The following TBC1D5 variants were observed in gnomAD, a reference collection of about 807,000 sequenced individuals.
The protein encoded by TBC1D5 is TBC1 domain family member 5.
A neutral mutation model predicts 100.3 loss-of-function variants in TBC1D5; 75 were observed. That is an observed-to-expected ratio of 0.75 (90% CI 0.62 to 0.91). The LOEUF (loss-of-function observed/expected upper bound fraction) is 0.91. TBC1D5 is among the 40% of genes least tolerant of loss of function. The pLI, the probability that TBC1D5 is intolerant of heterozygous loss-of-function variation, is 0.00. For synonymous variants in TBC1D5, 323 were observed against 325.6 expected (o/e 0.99, Z 0.09); for missense variants, 910 against 942.4 (o/e 0.97, Z 0.45).
intron 2 of TBC1D5, among the ~76,000 whole-genome samples, chr3:17,593,803 G>A (rs1490549324): frequency 6.6e-6 from 1 of 152,204 alleles, no homozygotes; most frequent in Non-Finnish European, 1.5e-5. Context: ...ATGGCCTTTT[G>A]AAGTCACAAT....
chr3:17,193,716 G>A lies in TBC1D5; in HGVS notation c.1753-8508C>T, dbSNP rs115584328. 8.9e-3 allele frequency among the ~76,000 whole-genome samples: 1,351 copies of A among 152,230 alleles called. 15 individuals carry two copies. Among genetic ancestry groups the A allele is most frequent in the African/African-American group, 0.03 (1,252 of 41,524 alleles). On this transcript the variant is annotated intron_variant, in intron 18 of 21. Coordinates refer to ENST00000253692, the Ensembl canonical transcript of TBC1D5. ...ACTAATAACTTCTTTTGTAGATAGC[G>A]CTAACCACAGACTCTATTTCCCTCA...
intron 13 of TBC1D5, among the ~76,000 whole-genome samples, chr3:17,335,218 C>T (rs184800252): frequency 6.6e-6 from 1 of 152,160 alleles, no homozygotes; most frequent in Admixed American, 6.5e-5. Context: ...TAAGATGGAG[C>T]ACTTGGTAAG....
intron 19 of TBC1D5, among the ~76,000 whole-genome samples, chr3:17,178,677 G>C (rs953227272): frequency 1.3e-5 from 2 of 152,032 alleles, no homozygotes; most frequent in South Asian, 2.1e-4. Flanking sequence ...TTTAGAGATA[G>C]GGTCTTGCTC....
intron 15 of TBC1D5, among the ~76,000 whole-genome samples, chr3:17,259,970 G>C (rs2078120570): frequency 6.6e-6 from 1 of 152,104 alleles, no homozygotes; most frequent in South Asian, 2.1e-4. Context: ...AATCTGAATT[G>C]CCTTGATGAA....
intron 1 of TBC1D5, among the ~76,000 whole-genome samples, chr3:17,715,990 T>G (rs1315850902): frequency 7.4e-6 from 1 of 135,190 alleles, no homozygotes; most frequent in East Asian, 3.0e-4. Context: ...AGGCGGAGGC[T>G]GCAGTGAGCT....
chr3:17,654,927 G>C (rs1388270216), intron 1 of TBC1D5, among the ~76,000 whole-genome samples: 4 of 152,054 alleles, frequency 2.6e-5, no homozygotes, highest in African/African-American at 7.2e-5. Flanking sequence ...ATTTCTTCTA[G>C]ATTTTCTAGT....
chr3:17,416,036 G>T (rs1248338548), intron 4 of TBC1D5, among the ~76,000 whole-genome samples: 1 of 152,116 alleles, frequency 6.6e-6, no homozygotes, highest in African/African-American at 2.4e-5. Flanking sequence ...CATTTATTTA[G>T]CGAAACCTGA....
chr3:17,272,532 G>A (rs1236191237), intron 15 of TBC1D5, among the ~76,000 whole-genome samples: 1 of 152,058 alleles, frequency 6.6e-6, no homozygotes, highest in African/African-American at 2.4e-5. Flanking sequence ...GACCACATTA[G>A]TTCTTTTACA....
At chr3:17,636,138 A>G (rs1166799071) in intron 1 of TBC1D5, among the ~76,000 whole-genome samples, 2 of 152,126 alleles carry the variant, frequency 1.3e-5, no homozygotes, top group Non-Finnish European at 2.9e-5. Context: ...GATTGCAGTG[A>G]ATTTCGCTGC....
At chr3:17,692,235 G>A (rs2071280369) in intron 1 of TBC1D5, among the ~76,000 whole-genome samples, 1 of 152,066 alleles carries the variant, frequency 6.6e-6, no homozygotes, top group African/African-American at 2.4e-5. Context: ...GGGTTTACAA[G>A]CATCTGCCAC....
At chr3:17,459,534 C>G (rs758554035) in intron 3 of TBC1D5, among the ~76,000 whole-genome samples, 7 of 152,200 alleles carry the variant, frequency 4.6e-5, no homozygotes, top group Non-Finnish European at 1.0e-4. Flanking sequence ...AAAAATGATA[C>G]TGTAGAGCAT....
intron 3 of TBC1D5, among the ~76,000 whole-genome samples, chr3:17,459,901 G>C (rs1194142994): frequency 6.6e-6 from 1 of 152,166 alleles, no homozygotes; most frequent in Non-Finnish European, 1.5e-5. Context: ...TAGCAGATAA[G>C]GACAGGATGA....
chr3:17,163,197 T>C (rs994990072), intron 21 of TBC1D5, among the ~76,000 whole-genome samples: 2 of 152,184 alleles, frequency 1.3e-5, no homozygotes, highest in Non-Finnish European at 2.9e-5. Flanking sequence ...GGTCACAGAC[T>C]GCCGTAGACA....
At chr3:17,298,602 T>A (rs1483077293) in intron 14 of TBC1D5, among the ~76,000 whole-genome samples, 1 of 152,162 alleles carries the variant, frequency 6.6e-6, no homozygotes, top group Non-Finnish European at 1.5e-5. Context: ...GTGGAGGTCT[T>A]ACTTGTATAT....
chr3:17,705,021 C>A (rs539205854), intron 1 of TBC1D5, among the ~76,000 whole-genome samples: 955 of 133,440 alleles, frequency 7.2e-3, no homozygotes, highest in African/African-American at 0.026. Context: ...CCACCTCCCT[C>A]CCGGACGGGG....
intron 18 of TBC1D5, among the ~76,000 whole-genome samples, chr3:17,197,779 G>A (rs1256271026): frequency 6.6e-6 from 1 of 152,204 alleles, no homozygotes; most frequent in Non-Finnish European, 1.5e-5. Flanking sequence ...GCTCATGACT[G>A]TAATTCCAGC....
intron 13 of TBC1D5, among the ~76,000 whole-genome samples, chr3:17,313,551 A>T (rs2084298685): frequency 6.6e-6 from 1 of 152,228 alleles, no homozygotes. Flanking sequence ...ACTCATTTAA[A>T]AAAATAAAAC....
intron 3 of TBC1D5, among the ~76,000 whole-genome samples, chr3:17,468,624 C>T (rs2095336858): frequency 6.6e-6 from 1 of 152,064 alleles, no homozygotes. Context: ...AATGATATGT[C>T]CCAAGCACCT....
At chr3:17,286,643 T>C (rs2081220852) in intron 15 of TBC1D5, among the ~76,000 whole-genome samples, 1 of 152,264 alleles carries the variant, frequency 6.6e-6, no homozygotes, top group African/African-American at 2.4e-5. Context: ...CCAGTCTTCA[T>C]AAGGCATACA....
Sources: allele counts gnomAD v4.1 joint callset (sites outside exome capture counted in the v4.1 genomes callset), GRCh38; gene constraint gnomAD v4.1.1; transcripts MANE v1.5; gene names NCBI Gene and HGNC (gene_info 2026-07-23, HGNC 2026-07-21).